Variants in MCOLN2 observed in about 807,000 individuals in gnomAD.
MCOLN2 encodes mucolipin-2.
MCOLN2 carries 57 observed loss-of-function variants against 67.5 expected under a neutral mutation model. The observed-to-expected ratio is 0.84, with a 90% CI of 0.68 to 1.05. The LOEUF (loss-of-function observed/expected upper bound fraction) is 1.05. Ranked by LOEUF, MCOLN2 falls within the 50% of genes least tolerant of loss-of-function variation. MCOLN2 has a pLI of 0.00. For missense variants in MCOLN2, 620 were observed against 678.8 expected (o/e 0.91, Z 0.96); for synonymous variants, 246 against 233.3 (o/e 1.05, Z -0.50).
intron 11 of MCOLN2, chr1:84,937,426 C>A: frequency 9.0e-6 from 2 of 222,944 alleles, no homozygotes; most frequent in Middle Eastern, 1.7e-3. Context: ...TAATAATTTT[C>A]CTCACTTAAT....
At chr1:84,983,709 C>T (rs1650370631) in intron 1 of MCOLN2, among the ~76,000 whole-genome samples, 1 of 145,388 alleles carries the variant, frequency 6.9e-6, no homozygotes, top group Admixed American at 6.9e-5. Flanking sequence ...CAGAGTCTTG[C>T]CCTGTCACCC....
At chr1:84,968,205 A>G (rs934701543) in intron 1 of MCOLN2, among the ~76,000 whole-genome samples, 3 of 152,208 alleles carry the variant, frequency 2.0e-5, no homozygotes, top group Non-Finnish European at 4.4e-5. Context: ...AAGGAAATTT[A>G]AAAATAGACC....
chr1:84,968,823 C>T (rs912926795), intron 1 of MCOLN2, among the ~76,000 whole-genome samples: 44 of 152,228 alleles, frequency 2.9e-4, no homozygotes, highest in African/African-American at 1.0e-3. Context: ...TTGTAGGTCA[C>T]AAGACTCCCA....
chr1:84,938,167 TA>T lies in MCOLN2; in HGVS notation c.1111-86del, dbSNP rs371451413. 1.3e-4 allele frequency: 122 copies of T among 905,088 alleles called. 2 individuals are homozygous for T. The African/African-American group carries it at 1.7e-3, about 13-fold the overall frequency. 56.1% of individuals were successfully genotyped at this position (905,088 alleles called of 1,614,324 possible). On this transcript the variant is annotated intron_variant, in intron 9 of 13. Transcript: ENST00000370608. The stretch of plus-strand genomic sequence containing the variant: ...ATTAGCCTTACATTAAACCAATTAA[TA>T]AAAAAAGAACTATCTGCCTCCCTAT...
intron 1 of MCOLN2, among the ~76,000 whole-genome samples, chr1:84,974,700 G>A (rs1014437021): frequency 3.3e-5 from 5 of 152,084 alleles, no homozygotes; most frequent in South Asian, 2.1e-4. Context: ...GGTTCATCTC[G>A]GCTATTGGGG....
chr1:84,958,922 T>C (rs1049768393), intron 2 of MCOLN2, among the ~76,000 whole-genome samples: 1 of 152,146 alleles, frequency 6.6e-6, no homozygotes, highest in African/African-American at 2.4e-5. Context: ...TTAGAAGAGA[T>C]TACTGCTCCC....
intron 1 of MCOLN2, among the ~76,000 whole-genome samples, 161 bp from the exon 2 acceptor site, chr1:84,965,869 G>A (rs550006101): frequency 6.6e-6 from 1 of 152,246 alleles, no homozygotes; most frequent in South Asian, 2.1e-4. Context: ...AGTTATGGCA[G>A]GGAGGTTCTC....
intron 1 of MCOLN2, among the ~76,000 whole-genome samples, chr1:84,967,353 G>C (rs1271331032): frequency 1.3e-5 from 2 of 152,128 alleles, no homozygotes; most frequent in Non-Finnish European, 2.9e-5. Flanking sequence ...TGATGGTAAG[G>C]GTAAAGAATA....
In MCOLN2 at chr1:84,996,906, G is replaced by C. The variant is rs1651186135; in HGVS notation, c.-34C>G. 6.3e-7 allele frequency: 1 copy of C among 1,588,850 alleles called. No individual in the cohort carries two copies. The highest frequency in any genetic ancestry group is 8.6e-7 in the Non-Finnish European group (1 of 1,157,068). Reference sequence around the variant, plus strand: ...CTTCAAAACTTTCCAGGGCTCTCGGGATTCGGAACAGGAAACACCGTTCAC... The same window carrying C: ...CTTCAAAACTTTCCAGGGCTCTCGGCATTCGGAACAGGAAACACCGTTCAC... On this transcript the variant is annotated 5_prime_UTR_variant, in exon 1 of 14. In the 5' UTR this introduces an upstream ATG that the reference lacks. Coordinates refer to ENST00000370608, the MANE Select transcript of MCOLN2 (RefSeq NM_153259.4).
intron 1 of MCOLN2, among the ~76,000 whole-genome samples, chr1:84,994,442 CCTTCATCAATGAT>C: frequency 6.6e-6 from 1 of 152,344 alleles, no homozygotes; most frequent in Admixed American, 6.5e-5. Flanking sequence ...AGAGTAGCCT[CCTTCATCAATGAT>C]CTTAGCTACA....
chr1:84,938,264 C>T (rs1477643306), intron 9 of MCOLN2, among the ~76,000 whole-genome samples, 182 bp from the exon 10 acceptor site: 1 of 152,064 alleles, frequency 6.6e-6, no homozygotes, highest in Non-Finnish European at 1.5e-5. Flanking sequence ...TTGTGTTTCT[C>T]ATTTTCTTTT....
Position 84,964,527 on chromosome 1 carries a change from G to T in MCOLN2, c.237+1022C>A, listed in dbSNP as rs538197327. ...CCAGGGACTGGAGTGGGGCAGGAGT[G>T]GGGGGGGGTGGGTAATGGTTTCAGG... On this transcript the variant is annotated intron_variant, in intron 2 of 13. Coordinates refer to ENST00000370608, the MANE Select transcript of MCOLN2 (RefSeq NM_153259.4). Among the ~76,000 whole-genome samples, 11 of 85,266 alleles carry T rather than the reference G, an allele frequency of 1.3e-4. No individual in the cohort carries two copies. The South Asian group carries it at 1.5e-3, about 12-fold the overall frequency. 55.9% of individuals were successfully genotyped at this position (85,266 alleles called of 152,430 possible).
intron 12 of MCOLN2, 129 bp from the exon 13 acceptor site, chr1:84,929,808 T>C: frequency 1.3e-6 from 1 of 787,390 alleles, no homozygotes; most frequent in African/African-American, 1.7e-5. Context: ...CAAGAACTGA[T>C]ATTTACAATG....
intron 1 of MCOLN2, among the ~76,000 whole-genome samples, chr1:84,991,854 G>A (rs1650903120): frequency 6.6e-6 from 1 of 152,096 alleles, no homozygotes; most frequent in Admixed American, 6.5e-5. Flanking sequence ...GATAAAGAAA[G>A]GGAAACTCCA....
Position 84,926,740 on chromosome 1 carries a change from G to C in MCOLN2, c.1665-19C>G. On this transcript the variant is annotated intron_variant, in intron 13 of 13. Transcript: ENST00000370608. ...TCTTTTCCTGTAACAGAAAGGGAAA[G>C]AAGAAAAGAGGAAAGATACAATACT... The C allele has an allele frequency of 6.3e-7, 1 of 1,581,476 alleles. No homozygotes were observed. Among genetic ancestry groups the C allele is most frequent in the Non-Finnish European group, 8.6e-7 (1 of 1,157,858 alleles).
intron 1 of MCOLN2, among the ~76,000 whole-genome samples, chr1:84,993,156 T>G (rs1391822012): frequency 6.6e-6 from 1 of 152,236 alleles, no homozygotes; most frequent in Non-Finnish European, 1.5e-5. Flanking sequence ...CAAGAGTAGA[T>G]TCCATCTCAA....
intron 7 of MCOLN2, among the ~76,000 whole-genome samples, chr1:84,944,217 A>G (rs1277241197): frequency 3.3e-5 from 5 of 152,136 alleles, no homozygotes; most frequent in Non-Finnish European, 7.4e-5. Flanking sequence ...GACTAGTTCT[A>G]TGGTATGCTA....
At chr1:84,987,471 GATATATATACATATATACATAT>G (rs1650602428) in intron 1 of MCOLN2, among the ~76,000 whole-genome samples, 1 of 45,802 alleles carries the variant, frequency 2.2e-5, no homozygotes, top group African/African-American at 9.9e-5. Context: ...TGTATATATA[GATATATATACATATATACATAT>G]GTATACATAG....
At chr1:84,992,208 T>A (rs181359102) in intron 1 of MCOLN2, among the ~76,000 whole-genome samples, 9 of 152,330 alleles carry the variant, frequency 5.9e-5, no homozygotes, top group Non-Finnish European at 1.3e-4. Context: ...CCAAAGACTA[T>A]TTTCAAGAAT....
Sources: gnomAD v4.1 joint callset for allele counts (sites outside exome capture counted in the v4.1 genomes callset) on GRCh38, gnomAD v4.1.1 for gene constraint, MANE v1.5 for transcripts, NCBI Gene and HGNC (gene_info 2026-07-23, HGNC 2026-07-21) for gene names.